Variants in GLI2 observed in about 807,000 individuals in gnomAD.
GLI2 encodes GLI family zinc finger 2.
GLI2 carries 22 observed loss-of-function variants against 78.9 expected under a neutral mutation model. The ratio of observed to expected loss-of-function variants is 0.28; its 90% CI spans 0.20 to 0.40. GLI2 has a LOEUF of 0.40. Ranked by LOEUF, GLI2 falls within the 10% of genes least tolerant of loss-of-function variation. The probability of loss-of-function intolerance (pLI) is 1.00; values close to 1 mark genes in which losing one functional copy is unlikely to be tolerated. For missense variants in GLI2, 2,097 were observed against 2,213.2 expected, an observed-to-expected ratio of 0.95 and a Z score of 1.05; for synonymous variants, 974 against 963.7, an observed-to-expected ratio of 1.01 and a Z score of -0.20.
intron 6 of GLI2, among the ~76,000 whole-genome samples, 181 bp from the exon 7 acceptor site, chr2:120,970,212 A>G (rs1184657415): frequency 6.6e-6 from 1 of 152,130 alleles, no homozygotes; most frequent in Non-Finnish European, 1.5e-5. Flanking sequence ...TGATCGCAGA[A>G]GGTGAGTGGC....
chr2:120,920,847 GTC>G (rs746612455), intron 2 of GLI2, among the ~76,000 whole-genome samples: 12 of 149,298 alleles, frequency 8.0e-5, no homozygotes, highest in Non-Finnish European at 1.6e-4. Context: ...GGGATGGTGT[GTC>G]TGTCCCTCTG....
At chr2:120,984,251 G>A (rs1300438513) in intron 11 of GLI2, among the ~76,000 whole-genome samples, 1 of 152,178 alleles carries the variant, frequency 6.6e-6, no homozygotes, top group Non-Finnish European at 1.5e-5. Context: ...GTGGCCGTGT[G>A]CTTAACTGCA....
chr2:120,772,244 A>G (rs1452967978), intron 1 of GLI2, among the ~76,000 whole-genome samples: 2 of 152,180 alleles, frequency 1.3e-5, no homozygotes, highest in African/African-American at 4.8e-5. Flanking sequence ...GTGAACCTCA[A>G]GACTGGATGC....
At chr2:120,951,514 C>T in intron 4 of GLI2, 69 bp downstream of exon 4, 1 of 1,026,084 alleles carries the variant, frequency 9.7e-7, no homozygotes, top group Non-Finnish European at 1.5e-6. Flanking sequence ...GCCTCTCTCA[C>T]GCTAACACTG....
chr2:120,752,675 C>G (rs1193945717), intron 1 of GLI2, among the ~76,000 whole-genome samples: 1 of 152,160 alleles, frequency 6.6e-6, no homozygotes, highest in Non-Finnish European at 1.5e-5. Context: ...AGTTTTCGTA[C>G]CACTGCCGTA....
At chr2:120,789,320 A>G (rs1684084943) in intron 1 of GLI2, among the ~76,000 whole-genome samples, 1 of 151,936 alleles carries the variant, frequency 6.6e-6, no homozygotes, top group Non-Finnish European at 1.5e-5. Context: ...CACCGCGCCC[A>G]GTCTCACCTA....
At chr2:120,757,715 C>G (rs1341660776) in intron 1 of GLI2, among the ~76,000 whole-genome samples, 1 of 152,252 alleles carries the variant, frequency 6.6e-6, no homozygotes, top group Non-Finnish European at 1.5e-5. Flanking sequence ...GGTCTCCCTC[C>G]TCTCCAACTC....
rs552125358 is a variant in GLI2, at chr2:120,838,396, C to T, written c.148+40928C>T. Among the ~76,000 whole-genome samples, 14 of 152,176 alleles carry T rather than the reference C, an allele frequency of 9.2e-5. No homozygotes were observed. In the East Asian group the frequency reaches 2.7e-3, roughly 29 times the overall value. On this transcript the variant is annotated intron_variant, in intron 2 of 13. Transcript: ENST00000361492. Reference sequence around the variant, plus strand: ...GATCTTTTACTAGTTTTAAATGTGTCCCTACAAATTTTATAGACATTTTAT... The same window carrying T: ...GATCTTTTACTAGTTTTAAATGTGTTCCTACAAATTTTATAGACATTTTAT...
chr2:120,970,510 C>G lies in GLI2; in HGVS notation c.963C>G (p.Pro321=), dbSNP rs149894186. 4,312 of 1,614,050 alleles carry G rather than the reference C, an allele frequency of 2.7e-3. 93 individuals are homozygous for G. The African/African-American group carries it at 0.046, about 17-fold the overall frequency. Residue 321 remains proline, a synonymous_variant, in exon 7 of 14, where the codon CCC becomes CCG. Coordinates refer to ENST00000361492, the MANE Select transcript of GLI2 (RefSeq NM_001374353.1). ...GHTPPLIQPS[P]TFLAQQPMAL... ...CACCACCCCTGATCCAGCCCTCACC[C>G]ACCTTCCTGGCCCAGCAGCCCATGG...
intron 2 of GLI2, among the ~76,000 whole-genome samples, chr2:120,864,776 G>T (rs1688051593): frequency 6.6e-6 from 1 of 152,246 alleles, no homozygotes; most frequent in Non-Finnish European, 1.5e-5. Context: ...CAGGGCTTTG[G>T]CTCTCTGTGG....
intron 1 of GLI2, among the ~76,000 whole-genome samples, chr2:120,764,219 C>T (rs970217634): frequency 1.3e-5 from 2 of 152,210 alleles, no homozygotes; most frequent in East Asian, 1.9e-4. Flanking sequence ...CTGGCGGGCT[C>T]GTGGCGCAGC....
intron 2 of GLI2, among the ~76,000 whole-genome samples, chr2:120,813,137 A>G (rs1685336197): frequency 6.6e-6 from 1 of 152,204 alleles, no homozygotes; most frequent in Admixed American, 6.5e-5. Flanking sequence ...TAATATGGAC[A>G]ATGTCCTGGC....
intron 2 of GLI2, among the ~76,000 whole-genome samples, chr2:120,905,665 C>T (rs1423482962): frequency 6.6e-6 from 1 of 152,220 alleles, no homozygotes; most frequent in African/African-American, 2.4e-5. Context: ...CTCCTCAGGG[C>T]TTGGGCTTGG....
rs1446163782 is a variant in GLI2, at chr2:120,804,240, CCCTCCATTGGTACGTA to C, written c.148+6779_148+6794del. Reference sequence around the variant, plus strand: ...CCACACCTAGGAATCTGTCCAATACCCCTCCATTGGTACGTACCTCCAAGTCCCTGGTGTCTTTGCA... The same window carrying C: ...CCACACCTAGGAATCTGTCCAATACCCCTCCAAGTCCCTGGTGTCTTTGCA... On this transcript the variant is annotated intron_variant, in intron 2 of 13. Transcript: ENST00000361492. 2.0e-5 allele frequency among the ~76,000 whole-genome samples: 3 copies of C among 152,168 alleles called. No homozygotes were observed. The East Asian group carries it at 5.8e-4, about 29-fold the overall frequency.
At chr2:120,884,378 A>G (rs1429482546) in intron 2 of GLI2, among the ~76,000 whole-genome samples, 1 of 152,148 alleles carries the variant, frequency 6.6e-6, no homozygotes, top group African/African-American at 2.4e-5. Context: ...TGGGTTTTTC[A>G]TCCCCTGGGT....
chr2:120,760,452 C>T (rs1233851310), intron 1 of GLI2, among the ~76,000 whole-genome samples: 3 of 152,148 alleles, frequency 2.0e-5, no homozygotes, highest in Admixed American at 2.0e-4. Flanking sequence ...GTGGACCCTT[C>T]CCCAGGCCTG....
chr2:120,875,740 A>G (rs1688704421), intron 2 of GLI2, among the ~76,000 whole-genome samples: 1 of 152,126 alleles, frequency 6.6e-6, no homozygotes, highest in Non-Finnish European at 1.5e-5. Context: ...TAAGCTGACT[A>G]TAAAATTCAC....
intron 1 of GLI2, among the ~76,000 whole-genome samples, chr2:120,749,226 A>G (rs13008945): frequency 0.17 from 25,739 of 152,182 alleles, 2,245 homozygotes; most frequent in Middle Eastern, 0.27. Context: ...GAAATGTTTC[A>G]AGGGAAGAAA....
chr2:120,878,784 T>C (rs1457782339), intron 2 of GLI2, among the ~76,000 whole-genome samples: 4 of 151,868 alleles, frequency 2.6e-5, no homozygotes, highest in Admixed American at 2.0e-4. Flanking sequence ...ATACAAAAAA[T>C]TAGCCGGGCG....
Sources: allele counts gnomAD v4.1 joint callset (sites outside exome capture counted in the v4.1 genomes callset), GRCh38; gene constraint gnomAD v4.1.1; transcripts MANE v1.5; gene names NCBI Gene and HGNC (gene_info 2026-07-23, HGNC 2026-07-21).